Variants in DLC1 observed in about 807,000 individuals in gnomAD.
DLC1 encodes the protein DLC1 Rho GTPase activating protein, also known as rho GTPase-activating protein 7.
A neutral mutation model predicts 140.3 loss-of-function variants in DLC1; 54 were observed. The ratio of observed to expected loss-of-function variants is 0.38; its 90% CI spans 0.31 to 0.48. The LOEUF (loss-of-function observed/expected upper bound fraction) is 0.48. Among genes scored for constraint, DLC1 ranks in the 20% least tolerant of loss-of-function variants. The probability of loss-of-function intolerance (pLI) is 0.96; values close to 1 mark genes in which losing one functional copy is unlikely to be tolerated. For synonymous variants in DLC1, 986 were observed against 728.1 expected, an observed-to-expected ratio of 1.35 and a Z score of -5.70; for missense variants, 2,536 against 1,907.0, an observed-to-expected ratio of 1.33 and a Z score of -6.14.
intron 5 of DLC1, among the ~76,000 whole-genome samples, chr8:13,185,970 T>C (rs1826347619): frequency 6.6e-6 from 1 of 152,226 alleles, no homozygotes; most frequent in Non-Finnish European, 1.5e-5. Flanking sequence ...ATGTTGAATA[T>C]TGACCCCCAC....
chr8:13,488,690 C>T (rs2117152015), intron 2 of DLC1, among the ~76,000 whole-genome samples: 1 of 152,316 alleles, frequency 6.6e-6, no homozygotes, highest in African/African-American at 2.4e-5. Flanking sequence ...TGAATACTTT[C>T]TAACTTTAAT....
At chr8:13,510,253 C>T (rs564534773) in intron 1 of DLC1, among the ~76,000 whole-genome samples, 1 of 150,508 alleles carries the variant, frequency 6.6e-6, no homozygotes, top group East Asian at 2.0e-4. Flanking sequence ...CGGCTCACTG[C>T]AACCTTCACC....
At chr8:13,268,948 C>T (rs1830804384) in intron 5 of DLC1, among the ~76,000 whole-genome samples, 1 of 147,670 alleles carries the variant, frequency 6.8e-6, no homozygotes, top group South Asian at 2.2e-4. Flanking sequence ...GATCTCGGCT[C>T]ACTGCAAGCT....
chr8:13,433,910 C>T (rs1282114567), intron 2 of DLC1, among the ~76,000 whole-genome samples: 1 of 152,186 alleles, frequency 6.6e-6, no homozygotes, highest in East Asian at 1.9e-4. Flanking sequence ...GGCTGGAGTG[C>T]AATGGCACGA....
chr8:13,419,625 T>C (rs933749703), intron 2 of DLC1, among the ~76,000 whole-genome samples: 6 of 152,240 alleles, frequency 3.9e-5, no homozygotes, highest in African/African-American at 2.4e-5. Flanking sequence ...CAGTATTTTA[T>C]TGAGGATTTT....
chr8:13,455,545 C>T (rs1799343099), intron 2 of DLC1, among the ~76,000 whole-genome samples: 1 of 152,192 alleles, frequency 6.6e-6, no homozygotes, highest in Admixed American at 6.5e-5. Context: ...CTCTACAGCT[C>T]CTTCACCCCC....
At chr8:13,600,491 C>G (rs983453727) in intron 1 of DLC1, among the ~76,000 whole-genome samples, 1 of 151,792 alleles carries the variant, frequency 6.6e-6, no homozygotes, top group African/African-American at 2.4e-5. Context: ...AATGCAACGT[C>G]AAAGACGTTT....
At chr8:13,189,552 C>G (rs555938741) in intron 5 of DLC1, among the ~76,000 whole-genome samples, 202 of 152,088 alleles carry the variant, frequency 1.3e-3, no homozygotes, top group Non-Finnish European at 2.2e-3. Flanking sequence ...AAAATGTATT[C>G]AGATCCAATT....
chr8:13,437,302 A>G (rs144401423), intron 2 of DLC1, among the ~76,000 whole-genome samples: 4 of 152,348 alleles, frequency 2.6e-5, no homozygotes, highest in East Asian at 3.9e-4. Context: ...GATTTTCACT[A>G]GACATGCTGC....
chr8:13,588,574 T>G (rs1309156029), intron 1 of DLC1, among the ~76,000 whole-genome samples: 1 of 152,074 alleles, frequency 6.6e-6, no homozygotes, highest in Non-Finnish European at 1.5e-5. Flanking sequence ...TTTTACTGGA[T>G]AATACAGCAA....
intron 7 of DLC1, among the ~76,000 whole-genome samples, chr8:13,105,575 G>GTTCCT (rs1819494239): frequency 6.6e-6 from 1 of 151,380 alleles, no homozygotes; most frequent in South Asian, 2.1e-4. Flanking sequence ...TAACTTCTAG[G>GTTCCT]TTCCTTTCTT....
At chr8:13,263,228 T>C (rs1830536808) in intron 5 of DLC1, among the ~76,000 whole-genome samples, 1 of 152,168 alleles carries the variant, frequency 6.6e-6, no homozygotes. Context: ...AAATATTGTG[T>C]TAGGTATTAT....
intron 5 of DLC1, among the ~76,000 whole-genome samples, chr8:13,237,296 T>A (rs1312717773): frequency 6.8e-6 from 1 of 147,464 alleles, no homozygotes; most frequent in Non-Finnish European, 1.5e-5. Context: ...TATAAATATA[T>A]AAATCATATA....
chr8:13,320,510 T>C (rs1441571569), intron 4 of DLC1, among the ~76,000 whole-genome samples: 2 of 152,094 alleles, frequency 1.3e-5, no homozygotes, highest in African/African-American at 2.4e-5. Flanking sequence ...TAGAGCAGGG[T>C]CTCAAAGCCA....
At chr8:13,240,579 C>T (rs149941651) in intron 5 of DLC1, among the ~76,000 whole-genome samples, 2,043 of 152,172 alleles carry the variant, frequency 0.013, 48 homozygotes, top group African/African-American at 0.046. Flanking sequence ...GCACATGCCA[C>T]CACGCCCCTC....
chr8:13,548,479 A>G (rs1483083087), intron 1 of DLC1, among the ~76,000 whole-genome samples: 2 of 152,086 alleles, frequency 1.3e-5, no homozygotes, highest in South Asian at 2.1e-4. Flanking sequence ...AGGTATGCAG[A>G]TGATAAATAA....
chr8:13,158,007 G>C lies in DLC1; in HGVS notation c.1349-42350C>G, dbSNP rs77662625. Among the ~76,000 whole-genome samples, 888 of 152,334 alleles carry C rather than the reference G, an allele frequency of 5.8e-3. 10 individuals are homozygous for C. Among genetic ancestry groups the C allele is most frequent in the African/African-American group, 0.02 (817 of 41,572 alleles). Reference sequence around the variant, plus strand: ...CGAGATATCATGGGAATATTTCAGGGTTTGGAACTTGTGCATACAAACCAG... The same window carrying C: ...CGAGATATCATGGGAATATTTCAGGCTTTGGAACTTGTGCATACAAACCAG... On this transcript the variant is annotated intron_variant, in intron 5 of 17. Coordinates refer to ENST00000276297, the MANE Select transcript of DLC1 (RefSeq NM_182643.3).
At chr8:13,458,112 A>G (rs897973209) in intron 2 of DLC1, among the ~76,000 whole-genome samples, 37 of 152,232 alleles carry the variant, frequency 2.4e-4, no homozygotes, top group African/African-American at 8.4e-4. Flanking sequence ...ATTTTATAAA[A>G]GAAAGTAGAA....
intron 5 of DLC1, among the ~76,000 whole-genome samples, chr8:13,177,359 A>G (rs1563139590): frequency 1.3e-5 from 2 of 152,190 alleles, no homozygotes; most frequent in South Asian, 2.1e-4. Flanking sequence ...TATGTCATCT[A>G]TTTACTTTCA....
Sources: allele counts gnomAD v4.1 joint callset (sites outside exome capture counted in the v4.1 genomes callset), GRCh38; gene constraint gnomAD v4.1.1; transcripts MANE v1.5; gene names NCBI Gene and HGNC (gene_info 2026-07-23, HGNC 2026-07-21).